Variants in SETBP1 observed in about 807,000 individuals in gnomAD.
The protein encoded by SETBP1 is SET-binding protein.
Under a neutral mutation model 101.0 loss-of-function variants are expected in SETBP1, and 9 were observed. The observed-to-expected ratio is 0.09, with a 90% CI of 0.05 to 0.16. The LOEUF (loss-of-function observed/expected upper bound fraction) is 0.16. Ranked by LOEUF, SETBP1 falls within the 10% of genes least tolerant of loss-of-function variation. The pLI is 1.00. For missense variants in SETBP1, 1,858 were observed against 2,033.8 expected (o/e 0.91, Z 1.66); for synonymous variants, 818 against 788.5 (o/e 1.04, Z -0.63).
intron 2 of SETBP1, among the ~76,000 whole-genome samples, chr18:44,717,542 T>TA (rs1353439330): frequency 6.6e-6 from 1 of 152,226 alleles, no homozygotes; most frequent in Non-Finnish European, 1.5e-5. Flanking sequence ...TCACTGCACA[T>TA]ACTCCCATGT....
intron 4 of SETBP1, among the ~76,000 whole-genome samples, chr18:44,953,877 G>A (rs1179255999): frequency 2.0e-5 from 3 of 152,136 alleles, no homozygotes; most frequent in Non-Finnish European, 4.4e-5. Flanking sequence ...ACAGCCTTGG[G>A]CCATATTGTT....
intron 1 of SETBP1, among the ~76,000 whole-genome samples, chr18:44,691,322 A>T (rs930858173): frequency 5.3e-5 from 8 of 152,166 alleles, no homozygotes; most frequent in African/African-American, 1.9e-4. Flanking sequence ...GACTGTAAAG[A>T]GCTCAGCACA....
At chr18:44,935,284 T>C (rs2070933772) in intron 3 of SETBP1, among the ~76,000 whole-genome samples, 1 of 152,204 alleles carries the variant, frequency 6.6e-6, no homozygotes, top group Non-Finnish European at 1.5e-5. Flanking sequence ...TCAACGGTTA[T>C]TTTAGCCCTA....
intron 2 of SETBP1, among the ~76,000 whole-genome samples, chr18:44,745,591 C>T (rs2070222244): frequency 6.6e-6 from 1 of 152,232 alleles, no homozygotes; most frequent in South Asian, 2.1e-4. Flanking sequence ...TACTCTCTAA[C>T]AATTTTGTAA....
rs1297703609 is a variant in SETBP1 at position 45,064,206 on chromosome 18, G to A, written c.*508G>A. 6.5e-6 allele frequency: 1 copy of A among 153,060 alleles called. No homozygotes were observed. The highest frequency in any genetic ancestry group is 1.5e-5 in the Non-Finnish European group (1 of 68,428). 9.5% of individuals were successfully genotyped at this position (153,060 alleles called of 1,614,324 possible). A position where few individuals can be genotyped will look rare whatever the true frequency, so the allele number is the denominator to read the frequency against. ...TTTTCAAGCTCTGCTAAGCTTTGGG[G>A]TACCAACGTCATCTTCAGGTGACCT... On this transcript the variant is annotated 3_prime_UTR_variant, in exon 6 of 6. Coordinates refer to ENST00000649279, the MANE Select transcript of SETBP1 (RefSeq NM_015559.3).
In SETBP1 at chr18:44,875,477, C is replaced by T. The variant is rs187802853; in HGVS notation, c.540+6194C>T. 1.1e-3 allele frequency among the ~76,000 whole-genome samples: 154 copies of T among 134,894 alleles called. 1 individual carries two copies. Among genetic ancestry groups the T allele is most frequent in the African/African-American group, 4.0e-3 (142 of 35,320 alleles). The allele number at this position is 134,894 out of a possible 152,430, so 88.5% of individuals were successfully genotyped here. A position where few individuals can be genotyped will look rare whatever the true frequency, so the allele number is the denominator to read the frequency against. ...AGGTTGCCGAGATCGGGGAGTGAGCCGAGATCGCGCCGCTGCACTCCAGCC... is the reference window on the plus strand; with the variant it reads ...AGGTTGCCGAGATCGGGGAGTGAGCTGAGATCGCGCCGCTGCACTCCAGCC... On this transcript the variant is annotated intron_variant, in intron 3 of 5. Transcript: ENST00000649279.
Position 45,066,444 on chromosome 18 carries a change from T to G in SETBP1, c.*2746T>G, listed in dbSNP as rs1393193650. The stretch of plus-strand genomic sequence containing the variant: ...AGTTCCTCCCTCAGTATCACATTAT[T>G]TTTTTCTTCTGCTTTTCATTAACCT... On this transcript the variant is annotated 3_prime_UTR_variant, in exon 6 of 6. Coordinates refer to ENST00000649279, the MANE Select transcript of SETBP1 (RefSeq NM_015559.3). 1.3e-5 allele frequency: 2 copies of G among 152,192 alleles called. No homozygotes were observed. Among genetic ancestry groups the G allele is most frequent in the African/African-American group, 4.8e-5 (2 of 41,442 alleles). The allele number at this position is 152,192 out of a possible 1,614,324, so 9.4% of individuals were successfully genotyped here.
chr18:44,866,367 C>G (rs1476383452), intron 2 of SETBP1, among the ~76,000 whole-genome samples: 3 of 152,226 alleles, frequency 2.0e-5, no homozygotes, highest in African/African-American at 7.2e-5. Flanking sequence ...CTAGGCTCAG[C>G]AATTTAGGTA....
At chr18:45,058,082 G>T (rs901662526) in intron 5 of SETBP1, among the ~76,000 whole-genome samples, 1 of 152,182 alleles carries the variant, frequency 6.6e-6, no homozygotes, top group Admixed American at 6.5e-5. Flanking sequence ...TATAGATAGG[G>T]TCTGAAAGAA....
chr18:44,717,152 A>G (rs1263326426), intron 2 of SETBP1, among the ~76,000 whole-genome samples: 1 of 152,190 alleles, frequency 6.6e-6, no homozygotes, highest in Admixed American at 6.5e-5. Flanking sequence ...TCTGAGCTCC[A>G]AGGCAGCCAC....
chr18:45,037,451 G>T (rs1299370792), intron 4 of SETBP1, among the ~76,000 whole-genome samples: 1 of 152,150 alleles, frequency 6.6e-6, no homozygotes, highest in Non-Finnish European at 1.5e-5. Flanking sequence ...TTATAGCACG[G>T]AGTATGCACT....
chr18:44,691,809 CCTGGGAATGTCAGAG>C (rs2144135333), intron 1 of SETBP1, among the ~76,000 whole-genome samples: 1 of 152,246 alleles, frequency 6.6e-6, no homozygotes, highest in East Asian at 1.9e-4. Flanking sequence ...AGGCTCAGTA[CCTGGGAATGTCAGAG>C]CTGGAAGGGG....
intron 4 of SETBP1, among the ~76,000 whole-genome samples, chr18:44,971,867 G>T (rs2071869948): frequency 6.6e-6 from 1 of 152,092 alleles, no homozygotes; most frequent in African/African-American, 2.4e-5. Context: ...CTGTGCAGAA[G>T]CTCTTTAGTT....
chr18:44,917,281 C>T (rs965337117), intron 3 of SETBP1, among the ~76,000 whole-genome samples: 11 of 152,142 alleles, frequency 7.2e-5, no homozygotes, highest in African/African-American at 2.7e-4. Flanking sequence ...GTGAGTCTTA[C>T]TTGGTGGTTT....
chr18:44,773,793 C>CCTCT (rs377709717), intron 2 of SETBP1, among the ~76,000 whole-genome samples: 3,411 of 133,252 alleles, frequency 0.026, 79 homozygotes, highest in African/African-American at 0.062. Context: ...TCTCAACCAG[C>CCTCT]CTCTCTCTCT....
intron 4 of SETBP1, among the ~76,000 whole-genome samples, chr18:44,982,614 A>T (rs760546375): frequency 3.3e-5 from 5 of 152,246 alleles, no homozygotes; most frequent in Non-Finnish European, 7.3e-5. Context: ...AGTCATCAAC[A>T]TAGATAAATA....
chr18:45,055,387 A>T (rs2073791796), intron 5 of SETBP1, among the ~76,000 whole-genome samples: 1 of 152,224 alleles, frequency 6.6e-6, no homozygotes, highest in Admixed American at 6.5e-5. Context: ...GGATGAGATA[A>T]ACTTGAAATA....
intron 1 of SETBP1, among the ~76,000 whole-genome samples, chr18:44,686,285 G>A (rs925487583): frequency 6.6e-6 from 1 of 152,340 alleles, no homozygotes; most frequent in East Asian, 1.9e-4. Flanking sequence ...CAGTGTTCTC[G>A]AGTGAACCCC....
intron 3 of SETBP1, among the ~76,000 whole-genome samples, chr18:44,891,908 CA>C (rs2144785802): frequency 6.6e-6 from 1 of 152,172 alleles, no homozygotes; most frequent in South Asian, 2.1e-4. Flanking sequence ...AACGTTTGAA[CA>C]TTGCTTTTTA....
Sources: allele counts gnomAD v4.1 joint callset (sites outside exome capture counted in the v4.1 genomes callset), GRCh38; gene constraint gnomAD v4.1.1; transcripts MANE v1.5; gene names NCBI Gene and HGNC (gene_info 2026-07-23, HGNC 2026-07-21).